Variants in GALM observed in about 807,000 individuals in gnomAD.
GALM encodes aldose 1-epimerase.
GALM carries 43 observed loss-of-function variants against 37.4 expected under a neutral mutation model. The observed-to-expected ratio is 1.15, with a 90% CI of 0.90 to 1.48. GALM has a LOEUF of 1.48. Among genes scored for constraint, GALM ranks in the 40% most tolerant of loss-of-function variants. The pLI is 0.00. For synonymous variants in GALM, 199 were observed against 170.6 expected, an observed-to-expected ratio of 1.17 and a Z score of -1.30; for missense variants, 456 against 419.1, an observed-to-expected ratio of 1.09 and a Z score of -0.77.
At chr2:38,685,341 G>C (rs532821601) in intron 3 of GALM, among the ~76,000 whole-genome samples, 4 of 152,246 alleles carry the variant, frequency 2.6e-5, no homozygotes, top group African/African-American at 7.2e-5. Flanking sequence ...TGGGGGCACA[G>C]AGTTGCTGGT....
intron 3 of GALM, among the ~76,000 whole-genome samples, chr2:38,687,672 C>T (rs1665569531): frequency 6.6e-6 from 1 of 151,286 alleles, no homozygotes. Context: ...GATTGCGCCA[C>T]TGCACTCCAG....
chr2:38,696,477 A>T (rs956688450), intron 4 of GALM, among the ~76,000 whole-genome samples: 1 of 149,494 alleles, frequency 6.7e-6, no homozygotes, highest in Non-Finnish European at 1.5e-5. Flanking sequence ...CTGTTGCCCA[A>T]GCTGAAACAG....
intron 4 of GALM, among the ~76,000 whole-genome samples, chr2:38,727,273 G>A (rs1047397619): frequency 1.1e-4 from 16 of 151,420 alleles, no homozygotes; most frequent in African/African-American, 3.6e-4. Flanking sequence ...AGATTCTCTC[G>A]GTTAAACAGT....
chr2:38,667,178 C>A (rs1664965572), intron 1 of GALM, among the ~76,000 whole-genome samples: 1 of 152,054 alleles, frequency 6.6e-6, no homozygotes, highest in African/African-American at 2.4e-5. Flanking sequence ...TGTAACTAGA[C>A]AGAAAATGAG....
chr2:38,722,030 T>TCCCCCCCCCCCCCCCCCCCCC (rs1491365976), intron 4 of GALM, among the ~76,000 whole-genome samples: 15 of 41,386 alleles, frequency 3.6e-4, no homozygotes, highest in Admixed American at 7.9e-4. Flanking sequence ...TGCCTTCCCT[T>TCCCCCCCCCCCCCCCCCCCCC]CCCCCCCCCA....
At chr2:38,703,553 C>G (rs530197983) in intron 4 of GALM, among the ~76,000 whole-genome samples, 1 of 152,084 alleles carries the variant, frequency 6.6e-6, no homozygotes, top group East Asian at 1.9e-4. Flanking sequence ...TAAAATCTGA[C>G]TTGATGAGGA....
chr2:38,689,951 A>C lies in GALM; in HGVS notation c.634+57A>C, dbSNP rs1406616451. 5 of 944,826 alleles carry C rather than the reference A, an allele frequency of 5.3e-6. No homozygotes were observed. In the African/African-American group the frequency reaches 6.6e-5, roughly 13 times the overall value. 58.5% of individuals were successfully genotyped at this position (944,826 alleles called of 1,614,324 possible). A position where few individuals can be genotyped will look rare whatever the true frequency, so the allele number is the denominator to read the frequency against. ...GGATCATGGATTGGCTCTCGAGGCCAAGAAAGGACATTAGTGGAGAAAGCG... is the reference window on the plus strand; with the variant it reads ...GGATCATGGATTGGCTCTCGAGGCCCAGAAAGGACATTAGTGGAGAAAGCG... On this transcript the variant is annotated intron_variant, in intron 4 of 6. Transcript: ENST00000272252.
chr2:38,681,483 C>T lies in GALM; in HGVS notation c.549C>T (p.Gly183=). ...ACCATTCTTACTTCAACCTGGCAGG[C>T]CAGGTAAGTGAACTTGTTTCTTCTT... ...LTNHSYFNLA[G]QASPNINDHE... The change falls in exon 3 of 7, where the codon GGC becomes GGT. Residue 183 remains glycine (G), a synonymous_variant. Coordinates refer to ENST00000272252, the MANE Select transcript of GALM (RefSeq NM_138801.3). 1 of 1,612,668 alleles carries T rather than the reference C, an allele frequency of 6.2e-7. No homozygotes were observed. The highest frequency in any genetic ancestry group is 1.1e-5 in the South Asian group (1 of 91,056).
intron 4 of GALM, among the ~76,000 whole-genome samples, chr2:38,695,224 C>A (rs990441341): frequency 6.6e-6 from 1 of 152,004 alleles, no homozygotes; most frequent in Non-Finnish European, 1.5e-5. Flanking sequence ...GACTTTGAGA[C>A]CAGCCTTGGC....
intron 4 of GALM, among the ~76,000 whole-genome samples, chr2:38,704,941 T>C (rs148571099): frequency 6.6e-6 from 1 of 152,322 alleles, no homozygotes; most frequent in East Asian, 1.9e-4. Flanking sequence ...GAATAACTCC[T>C]GAAGCTACTC....
In GALM at chr2:38,690,623, G is replaced by C. The variant is rs193191112; in HGVS notation, c.634+729G>C. ...GCCTGTTGTATTTTTAGTAGAGACA[G>C]TGTTTTACCACGTTGCCCAGGCTGG... On this transcript the variant is annotated intron_variant, in intron 4 of 6. Coordinates refer to ENST00000272252, the MANE Select transcript of GALM (RefSeq NM_138801.3). Among the ~76,000 whole-genome samples, 9 of 152,196 alleles carry C rather than the reference G, an allele frequency of 5.9e-5. No individual in the cohort carries two copies. In the East Asian group the frequency reaches 1.7e-3, roughly 29 times the overall value.
intron 4 of GALM, among the ~76,000 whole-genome samples, chr2:38,725,457 G>A (rs1411506842): frequency 6.6e-6 from 1 of 151,808 alleles, no homozygotes; most frequent in Non-Finnish European, 1.5e-5. Flanking sequence ...GATTACCTGA[G>A]CCTGGCAGGT....
At chr2:38,690,015 TTA>T in intron 4 of GALM, 121 bp downstream of exon 4, 1 of 601,578 alleles carries the variant, frequency 1.7e-6, no homozygotes, top group Admixed American at 3.3e-5. Context: ...GTTAATAGAA[TTA>T]TTCTAGTGGT....
chr2:38,733,056 A>G (rs1338624482), intron 6 of GALM, among the ~76,000 whole-genome samples: 6 of 151,850 alleles, frequency 4.0e-5, no homozygotes, highest in Non-Finnish European at 7.4e-5. Flanking sequence ...CCCTGTCTCT[A>G]GTAAAAATAA....
intron 1 of GALM, chr2:38,669,166 A>G (rs891384856): frequency 2.0e-5 from 3 of 152,372 alleles, no homozygotes; most frequent in African/African-American, 7.2e-5. Flanking sequence ...AGAAAGAAGT[A>G]AAAACTAAAA....
In GALM at chr2:38,668,560, C is replaced by T. The variant is rs990517278; in HGVS notation, c.190+2209C>T. 8.5e-5 allele frequency: 13 copies of T among 152,198 alleles called. No individual in the cohort carries two copies. The South Asian group carries it at 2.5e-3, about 29-fold the overall frequency. 9.4% of individuals were successfully genotyped at this position (152,198 alleles called of 1,614,324 possible). Reference sequence around the variant, plus strand: ...CAGGGTGCAGAGGATGGGAAGGAGACTTAATTTTCACTGCATATTCTTTTA... The same window carrying T: ...CAGGGTGCAGAGGATGGGAAGGAGATTTAATTTTCACTGCATATTCTTTTA... On this transcript the variant is annotated intron_variant, in intron 1 of 6. Coordinates refer to ENST00000272252, the MANE Select transcript of GALM (RefSeq NM_138801.3).
chr2:38,679,644 T>C (rs1665347730), intron 2 of GALM, among the ~76,000 whole-genome samples: 1 of 152,120 alleles, frequency 6.6e-6, no homozygotes, highest in Non-Finnish European at 1.5e-5. Context: ...ATCCCAGAGC[T>C]CTCTAAAGGC....
At chr2:38,688,466 G>C (rs1417050157) in intron 3 of GALM, among the ~76,000 whole-genome samples, 1 of 151,802 alleles carries the variant, frequency 6.6e-6, no homozygotes. Flanking sequence ...AGCCGAGATC[G>C]CGCCATTGCA....
At chr2:38,715,666 C>G (rs1172248288) in intron 4 of GALM, among the ~76,000 whole-genome samples, 1 of 152,140 alleles carries the variant, frequency 6.6e-6, no homozygotes, top group Non-Finnish European at 1.5e-5. Flanking sequence ...CTCCTGGGTT[C>G]AAGTGATCTG....
Sources: gnomAD v4.1 joint callset for allele counts (sites outside exome capture counted in the v4.1 genomes callset) on GRCh38, gnomAD v4.1.1 for gene constraint, MANE v1.5 for transcripts, NCBI Gene and HGNC (gene_info 2026-07-23, HGNC 2026-07-21) for gene names.